SLC30A8: variants seen among roughly 807,000 people sequenced by gnomAD.
SLC30A8 encodes the protein solute carrier family 30 member 8, also known as proton-coupled zinc antiporter SLC30A8.
Under a neutral mutation model 36.9 loss-of-function variants are expected in SLC30A8, and 27 were observed. The ratio of observed to expected loss-of-function variants is 0.73; its 90% CI spans 0.54 to 1.01. The LOEUF (loss-of-function observed/expected upper bound fraction) is 1.01, where lower values mean the gene tolerates loss of function less well. Among genes scored for constraint, SLC30A8 ranks in the 50% least tolerant of loss-of-function variants. The pLI is 0.00. For missense variants in SLC30A8, 439 were observed against 452.0 expected, an observed-to-expected ratio of 0.97 and a Z score of 0.26; for synonymous variants, 164 against 172.4, an observed-to-expected ratio of 0.95 and a Z score of 0.38.
At chr8:117,108,267 A>G (rs1404881039) in intron 2 of SLC30A8, among the ~76,000 whole-genome samples, 4 of 152,214 alleles carry the variant, frequency 2.6e-5, no homozygotes, top group South Asian at 4.1e-4. Flanking sequence ...TGGGAAGTCT[A>G]TAGAAGCAGC....
At chr8:117,148,152 C>CTT (rs1821990181) in intron 2 of SLC30A8, among the ~76,000 whole-genome samples, 1 of 151,888 alleles carries the variant, frequency 6.6e-6, no homozygotes, top group Non-Finnish European at 1.5e-5. Context: ...GAGCTCATTT[C>CTT]TTTTACTACT....
chr8:117,036,823 G>A (rs148545599), intron 1 of SLC30A8, among the ~76,000 whole-genome samples: 12 of 152,278 alleles, frequency 7.9e-5, no homozygotes, highest in African/African-American at 1.7e-4. Flanking sequence ...ACTGAGACTC[G>A]ATGTGGCCCA....
At chr8:116,953,140 C>T (rs1814055175) in intron 1 of SLC30A8, among the ~76,000 whole-genome samples, 1 of 152,160 alleles carries the variant, frequency 6.6e-6, no homozygotes, top group Admixed American at 6.5e-5. Flanking sequence ...TTTTCTGTTC[C>T]TATGTCAATT....
chr8:117,022,851 G>A (rs923390947), intron 1 of SLC30A8, among the ~76,000 whole-genome samples: 4 of 152,136 alleles, frequency 2.6e-5, no homozygotes, highest in African/African-American at 9.6e-5. Flanking sequence ...CAAAAGCAAT[G>A]GCAACAAAAG....
At chr8:117,129,793 A>G (rs958101876) in intron 2 of SLC30A8, 2 of 152,038 alleles carry the variant, frequency 1.3e-5, no homozygotes, top group African/African-American at 4.8e-5. Context: ...GTAAAGGGGA[A>G]TATTATCCTA....
chr8:117,140,398 C>CA (rs1261517926), intron 1 of SLC30A8, among the ~76,000 whole-genome samples: 1 of 151,920 alleles, frequency 6.6e-6, no homozygotes, highest in South Asian at 2.1e-4. Flanking sequence ...TCATGATGGT[C>CA]AACAAACTCT....
intron 2 of SLC30A8, among the ~76,000 whole-genome samples, chr8:117,051,917 G>A (rs566546129): frequency 1.6e-4 from 25 of 152,132 alleles, no homozygotes; most frequent in Admixed American, 1.4e-3. Flanking sequence ...TTTCACCTTC[G>A]GCCATGATTG....
At chr8:117,042,042 C>A (rs1263699520) in intron 2 of SLC30A8, among the ~76,000 whole-genome samples, 2 of 152,216 alleles carry the variant, frequency 1.3e-5, no homozygotes, top group Non-Finnish European at 2.9e-5. Flanking sequence ...TTTAGTTTCA[C>A]TCCTGGTTTA....
At chr8:116,985,905 T>A (rs1375850864) in intron 1 of SLC30A8, among the ~76,000 whole-genome samples, 1 of 152,186 alleles carries the variant, frequency 6.6e-6, no homozygotes, top group Non-Finnish European at 1.5e-5. Flanking sequence ...TTTTATCCTG[T>A]AAAATTAAAA....
intron 1 of SLC30A8, among the ~76,000 whole-genome samples, chr8:117,005,775 A>G (rs961205380): frequency 6.6e-6 from 1 of 152,110 alleles, no homozygotes; most frequent in Non-Finnish European, 1.5e-5. Flanking sequence ...ATCCTCATTT[A>G]TGGATAGTTT....
intron 1 of SLC30A8, among the ~76,000 whole-genome samples, chr8:117,002,248 A>T (rs1455126893): frequency 6.6e-6 from 1 of 152,170 alleles, no homozygotes; most frequent in Non-Finnish European, 1.5e-5. Flanking sequence ...CACATTTACC[A>T]TTTTTTGACT....
intron 1 of SLC30A8, among the ~76,000 whole-genome samples, chr8:117,021,648 A>G (rs906717129): frequency 6.6e-6 from 1 of 152,266 alleles, no homozygotes; most frequent in African/African-American, 2.4e-5. Flanking sequence ...GTGAAAATTT[A>G]CAAGCTGATT....
At chr8:117,140,962 C>T (rs1392114604) in intron 1 of SLC30A8, among the ~76,000 whole-genome samples, 2 of 151,926 alleles carry the variant, frequency 1.3e-5, no homozygotes, top group Non-Finnish European at 2.9e-5. Context: ...TAGAAAGACA[C>T]CGACTACCAT....
intron 2 of SLC30A8, among the ~76,000 whole-genome samples, chr8:117,098,524 A>G (rs1235053214): frequency 6.6e-6 from 1 of 152,188 alleles, no homozygotes; most frequent in Admixed American, 6.5e-5. Context: ...TGCTACTTGA[A>G]CTAGCCATTT....
intron 2 of SLC30A8, among the ~76,000 whole-genome samples, chr8:117,098,561 A>G (rs1222952737): frequency 6.6e-6 from 1 of 152,206 alleles, no homozygotes; most frequent in Non-Finnish European, 1.5e-5. Flanking sequence ...GGAAACAGGC[A>G]CTAAGTGAGA....
At chr8:117,007,102 C>A (rs79115000) in intron 1 of SLC30A8, 1 of 150,430 alleles carries the variant, frequency 6.6e-6, no homozygotes, top group Non-Finnish European at 1.5e-5. Context: ...CACCGCGCCC[C>A]GGGGGAGTCA....
chr8:117,119,890 G>C (rs1315526829), intron 2 of SLC30A8, among the ~76,000 whole-genome samples: 1 of 151,802 alleles, frequency 6.6e-6, no homozygotes, highest in African/African-American at 2.4e-5. Flanking sequence ...ATTTACAATA[G>C]CATCAAGAAT....
chr8:117,134,094 T>C (rs896266533), upstream of SLC30A8, among the ~76,000 whole-genome samples: 1 of 151,952 alleles, frequency 6.6e-6, no homozygotes, highest in African/African-American at 2.4e-5. Context: ...CAATTGGCAT[T>C]GAACCCCATC....
chr8:117,123,661 A>G (rs888801848), intron 2 of SLC30A8, among the ~76,000 whole-genome samples: 1 of 152,048 alleles, frequency 6.6e-6, no homozygotes, highest in African/African-American at 2.4e-5. Context: ...TTCACCTACA[A>G]TAAAGTTCAC....
Sources: gnomAD v4.1 joint callset for allele counts (sites outside exome capture counted in the v4.1 genomes callset) on GRCh38, gnomAD v4.1.1 for gene constraint, MANE v1.5 for transcripts, NCBI Gene and HGNC (gene_info 2026-07-23, HGNC 2026-07-21) for gene names.